Variants in CCDC148 observed in about 807,000 individuals in gnomAD.
CCDC148 encodes the protein coiled-coil domain-containing protein 148.
In CCDC148, 89 loss-of-function variants were observed where a neutral mutation model predicts 85.7. The observed-to-expected ratio is 1.04, with a 90% CI of 0.87 to 1.24. CCDC148 has a LOEUF of 1.24. Among genes scored for constraint, CCDC148 ranks in the 50% most tolerant of loss-of-function variants. CCDC148 has a pLI of 0.00. For synonymous variants in CCDC148, 230 were observed against 213.9 expected, an observed-to-expected ratio of 1.08 and a Z score of -0.66; for missense variants, 692 against 671.7, an observed-to-expected ratio of 1.03 and a Z score of -0.33.
chr2:158,232,661 C>T (rs1280810809), intron 10 of CCDC148, among the ~76,000 whole-genome samples: 1 of 152,164 alleles, frequency 6.6e-6, no homozygotes, highest in African/African-American at 2.4e-5. Flanking sequence ...GTCATTATCT[C>T]TGACCTGTGA....
Position 158,456,444 on chromosome 2 carries a change from A to G in CCDC148, c.-5T>C, listed in dbSNP as rs528942885. 23 of 1,611,020 alleles carry G rather than the reference A, an allele frequency of 1.4e-5. No homozygotes were observed. In the South Asian group the frequency reaches 2.3e-4, roughly 16 times the overall value. On this transcript the variant is annotated 5_prime_UTR_variant, in exon 1 of 14. Transcript: ENST00000283233. ...AGAAGCAGAAGCTGCACACATGTCA[A>G]AGGTCAAAGGGCATAGCCTCAGGGA...
intron 1 of CCDC148, among the ~76,000 whole-genome samples, chr2:158,366,961 A>G (rs1684232932): frequency 1.3e-5 from 2 of 152,224 alleles, no homozygotes; most frequent in South Asian, 4.1e-4. Flanking sequence ...GTTAAGGTCC[A>G]TGACTTTTGG....
At chr2:158,224,255 G>A (rs1352202511) in intron 10 of CCDC148, among the ~76,000 whole-genome samples, 1 of 152,156 alleles carries the variant, frequency 6.6e-6, no homozygotes, top group Non-Finnish European at 1.5e-5. Context: ...GAGAAGAGAA[G>A]TTTAGAGACA....
intron 9 of CCDC148, among the ~76,000 whole-genome samples, chr2:158,299,768 G>A (rs1272066770): frequency 1.3e-5 from 2 of 152,160 alleles, no homozygotes; most frequent in Non-Finnish European, 2.9e-5. Flanking sequence ...CTAAATCCAA[G>A]TCTGCTCTCC....
At chr2:158,306,821 G>A (rs1003428541) in intron 9 of CCDC148, among the ~76,000 whole-genome samples, 1 of 134,796 alleles carries the variant, frequency 7.4e-6, no homozygotes, top group African/African-American at 2.9e-5. Flanking sequence ...AGAACTTAGA[G>A]TATAATAATA....
intron 1 of CCDC148, among the ~76,000 whole-genome samples, chr2:158,374,022 T>C (rs138066907): frequency 1.4e-3 from 210 of 152,226 alleles, no homozygotes; most frequent in African/African-American, 4.8e-3. Flanking sequence ...CTGCACCTAA[T>C]GCATGGTAGT....
chr2:158,366,015 T>G, intron 1 of CCDC148: 5 of 1,532,190 alleles, frequency 3.3e-6, no homozygotes, highest in Middle Eastern at 1.7e-4. Context: ...GAAAAATACC[T>G]GAGCTATCAT....
At chr2:158,447,818 A>AT (rs1192697678) in intron 1 of CCDC148, among the ~76,000 whole-genome samples, 1 of 152,034 alleles carries the variant, frequency 6.6e-6, no homozygotes, top group African/African-American at 2.4e-5. Context: ...TGACCTAGGA[A>AT]TTTTTTCACA....
At chr2:158,363,139 GAAC>G (rs1684041699) in intron 1 of CCDC148, among the ~76,000 whole-genome samples, 1 of 152,084 alleles carries the variant, frequency 6.6e-6, no homozygotes, top group Non-Finnish European at 1.5e-5. Context: ...TACCTGAACA[GAAC>G]AATAACAAGT....
At chr2:158,272,576 T>C (rs1689745171) in intron 9 of CCDC148, among the ~76,000 whole-genome samples, 1 of 152,166 alleles carries the variant, frequency 6.6e-6, no homozygotes, top group Non-Finnish European at 1.5e-5. Context: ...CTCAGACCTT[T>C]TGATGAAGCT....
intron 9 of CCDC148, among the ~76,000 whole-genome samples, chr2:158,259,863 A>G (rs1689149759): frequency 6.6e-6 from 1 of 151,896 alleles, no homozygotes; most frequent in African/African-American, 2.4e-5. Context: ...CCTTGCCTGG[A>G]AAGCTCTCAT....
chr2:158,264,808 G>A (rs995970750), intron 9 of CCDC148, among the ~76,000 whole-genome samples: 9 of 152,188 alleles, frequency 5.9e-5, no homozygotes, highest in African/African-American at 1.2e-4. Context: ...CAATACGTTC[G>A]TGGAAATGGG....
chr2:158,205,467 T>G (rs551913835), intron 11 of CCDC148, among the ~76,000 whole-genome samples: 2 of 152,244 alleles, frequency 1.3e-5, no homozygotes, highest in Non-Finnish European at 2.9e-5. Context: ...GAGGAGGGTG[T>G]AGAGAGAAAT....
At chr2:158,325,008 CCT>C (rs1692700980) in intron 7 of CCDC148, among the ~76,000 whole-genome samples, 2 of 151,914 alleles carry the variant, frequency 1.3e-5, no homozygotes, top group Non-Finnish European at 2.9e-5. Context: ...CAGCAATTCC[CCT>C]CTCGCCTGCA....
rs772494248 is a variant in CCDC148, at chr2:158,309,618, C to T, written c.925G>A (p.Asp309Asn). Residue 309 changes from aspartate to asparagine, a missense_variant, in exon 9 of 14, where the codon GAC becomes AAC. Coordinates refer to ENST00000283233, the MANE Select transcript of CCDC148 (RefSeq NM_138803.4). ...HDLVEHEKYC[D>N]QYRFAIEQQN... ...TGCTCTATAGCAAAGCGATATTGGTCACAATATTTCTCGTGTTCAACCTGA... is the reference window on the plus strand; with the variant it reads ...TGCTCTATAGCAAAGCGATATTGGTTACAATATTTCTCGTGTTCAACCTGA... 6.2e-7 allele frequency: 1 copy of T among 1,612,144 alleles called. No homozygotes were observed. Among genetic ancestry groups the T allele is most frequent in the Non-Finnish European group, 8.5e-7 (1 of 1,178,682 alleles).
At chr2:158,228,560 A>T (rs900544416) in intron 10 of CCDC148, among the ~76,000 whole-genome samples, 1 of 152,180 alleles carries the variant, frequency 6.6e-6, no homozygotes, top group Non-Finnish European at 1.5e-5. Flanking sequence ...AACCAACCCA[A>T]ATGTCCAACA....
chr2:158,326,308 T>C (rs990501592), intron 7 of CCDC148, among the ~76,000 whole-genome samples: 1 of 152,140 alleles, frequency 6.6e-6, no homozygotes, highest in Non-Finnish European at 1.5e-5. Flanking sequence ...CCCCTAAACA[T>C]CTACTTAAAA....
intron 1 of CCDC148, among the ~76,000 whole-genome samples, chr2:158,448,141 C>T (rs1445207615): frequency 1.3e-5 from 2 of 152,044 alleles, no homozygotes; most frequent in Admixed American, 1.3e-4. Flanking sequence ...ATCCCTTTCA[C>T]TATTGCTCTG....
intron 1 of CCDC148, among the ~76,000 whole-genome samples, chr2:158,416,115 C>A (rs746902422): frequency 2.0e-5 from 3 of 152,220 alleles, no homozygotes; most frequent in Non-Finnish European, 4.4e-5. Context: ...GGAGGAGTGG[C>A]CTGAGACATA....
Sources: allele counts gnomAD v4.1 joint callset (sites outside exome capture counted in the v4.1 genomes callset), GRCh38; gene constraint gnomAD v4.1.1; transcripts MANE v1.5; gene names NCBI Gene and HGNC (gene_info 2026-07-23, HGNC 2026-07-21).